Variants in OSBPL2 observed in about 807,000 individuals in gnomAD.
OSBPL2 encodes oxysterol-binding protein-related protein 2.
Under a neutral mutation model 58.4 loss-of-function variants are expected in OSBPL2, and 18 were observed. The ratio of observed to expected loss-of-function variants is 0.31; its 90% CI spans 0.21 to 0.46. The LOEUF (loss-of-function observed/expected upper bound fraction) is 0.46. Among genes scored for constraint, OSBPL2 ranks in the 20% least tolerant of loss-of-function variants. The pLI is 1.00. For synonymous variants in OSBPL2, 221 were observed against 234.1 expected, an observed-to-expected ratio of 0.94 and a Z score of 0.51; for missense variants, 461 against 616.5, an observed-to-expected ratio of 0.75 and a Z score of 2.67.
chr20:62,272,810 C>T (rs919130701), intron 5 of OSBPL2, among the ~76,000 whole-genome samples: 1 of 152,224 alleles, frequency 6.6e-6, no homozygotes, highest in Non-Finnish European at 1.5e-5. Flanking sequence ...GAGAGAGGAT[C>T]GCTTGTGCCC....
At position 62,295,732 on chromosome 20, in the gene OSBPL2, AG is replaced by A. The variant is rs1261388091; in HGVS notation, c.*1846del. ...CTGGTGGAGGGTCATCTGCTTTTCC[AG>A]ACTGTGGTTGTGAACCGGCTCCTTC... On this transcript the variant is annotated 3_prime_UTR_variant, in exon 14 of 14. Transcript: ENST00000313733. This position sits in a 1 kb window ranked among gnomAD's most constrained non-coding sequence, Gnocchi z 4.8. The A allele has an allele frequency of 3.9e-5, 6 of 152,144 alleles. No individual in the cohort carries two copies. Among genetic ancestry groups the A allele is most frequent in the African/African-American group, 1.4e-4 (6 of 41,442 alleles). The allele number at this position is 152,144 out of a possible 1,614,324, so 9.4% of individuals were successfully genotyped here.
chr20:62,269,000 A>G (rs1981878971), intron 4 of OSBPL2, among the ~76,000 whole-genome samples: 1 of 150,952 alleles, frequency 6.6e-6, no homozygotes. Flanking sequence ...GAGAGGTTGC[A>G]CTGAGCCGAG....
intron 3 of OSBPL2, among the ~76,000 whole-genome samples, chr20:62,262,891 A>C (rs149782311): frequency 1.3e-5 from 2 of 152,270 alleles, no homozygotes; most frequent in Non-Finnish European, 2.9e-5. Context: ...CCTACTCTGC[A>C]GCACCTTCTT....
rs1187075906 is a variant in OSBPL2 at position 62,281,139 on chromosome 20, T to A, written c.756T>A (p.Tyr252Ter). The A allele has an allele frequency of 3.7e-6, 6 of 1,612,828 alleles. No homozygotes were observed. Reference protein sequence around the residue: ...VIIGKLWIEQYGTVEILNHRT... With the variant: ...VIIGKLWIEQ Reference sequence around the variant, plus strand: ...TCGGGAAGCTGTGGATAGAGCAGTATGGGACAGTGGAGATTTTAAACCACA... The same window carrying A: ...TCGGGAAGCTGTGGATAGAGCAGTAAGGGACAGTGGAGATTTTAAACCACA... The change falls in exon 8 of 14, where the codon TAT (tyrosine) becomes TAA (stop). Residue 252 changes from tyrosine (Y) to a stop codon, truncating the protein, a stop_gained. Coordinates refer to ENST00000313733, the MANE Select transcript of OSBPL2 (RefSeq NM_144498.4). LOFTEE classifies it high-confidence loss of function.
intron 6 of OSBPL2, among the ~76,000 whole-genome samples, chr20:62,276,970 C>T (rs561614812): frequency 1.7e-4 from 26 of 152,316 alleles, no homozygotes; most frequent in Non-Finnish European, 2.6e-4. Context: ...TAAATCAGGC[C>T]GGGCGTGGTG....
chr20:62,245,686 C>A (rs1601145699), intron 1 of OSBPL2, among the ~76,000 whole-genome samples: 1 of 152,192 alleles, frequency 6.6e-6, no homozygotes, highest in East Asian at 1.9e-4. Flanking sequence ...AAACACAGTG[C>A]ATTTAAGGGC....
chr20:62,239,451 T>G (rs1445370350), intron 1 of OSBPL2, among the ~76,000 whole-genome samples: 1 of 151,982 alleles, frequency 6.6e-6, no homozygotes, highest in African/African-American at 2.4e-5. Flanking sequence ...GGTGTCGGGG[T>G]GTTGCAGGCT....
intron 1 of OSBPL2, chr20:62,242,327 A>T (rs942212696): frequency 6.6e-6 from 1 of 152,226 alleles, no homozygotes; most frequent in African/African-American, 2.4e-5. Context: ...CCAGATTCAG[A>T]AAAGAACTTG....
At chr20:62,271,456 G>GT (rs1345639980) in intron 4 of OSBPL2, among the ~76,000 whole-genome samples, 5 of 152,040 alleles carry the variant, frequency 3.3e-5, no homozygotes, top group Admixed American at 1.3e-4. Flanking sequence ...CCACTACTCT[G>GT]TTTTTTTGTT....
intron 4 of OSBPL2, 116 bp from the exon 5 acceptor site, chr20:62,272,009 C>T: frequency 1.7e-5 from 21 of 1,270,482 alleles, no homozygotes; most frequent in Non-Finnish European, 2.2e-5. Flanking sequence ...GTTTGAAGAT[C>T]CGGTTCAACC....
chr20:62,291,210 G>T, intron 12 of OSBPL2: 1 of 117,042 alleles, frequency 8.5e-6, no homozygotes, highest in Non-Finnish European at 1.9e-5. Flanking sequence ...AGTGTGACCT[G>T]GGAATGGATG....
chr20:62,244,984 A>C (rs1409492303), intron 1 of OSBPL2, among the ~76,000 whole-genome samples: 1 of 152,204 alleles, frequency 6.6e-6, no homozygotes, highest in Non-Finnish European at 1.5e-5. Flanking sequence ...CAGAGTCCTC[A>C]TGTGCACCTG....
In OSBPL2 at chr20:62,263,625, G is replaced by A; in HGVS notation, c.192G>A (p.Leu64=). 1 of 1,614,154 alleles carries A rather than the reference G, an allele frequency of 6.2e-7. No individual in the cohort carries two copies. The highest frequency in any genetic ancestry group is 8.5e-7 in the Non-Finnish European group (1 of 1,179,988). ...CTTTTGTGCTTCGCAGGACATCGCT[G>A]CCGGCTCCCATGTTCAGCAGAAGCG... is the stretch of plus-strand genomic sequence containing the variant. ...ENGIQKHRTS[L]PAPMFSRSDF... Residue 64 remains leucine, a synonymous_variant, in exon 4 of 14, where the codon CTG becomes CTA. Coordinates refer to ENST00000313733, the MANE Select transcript of OSBPL2 (RefSeq NM_144498.4).
At chr20:62,257,361 A>G (rs149102165) in intron 2 of OSBPL2, among the ~76,000 whole-genome samples, 8 of 152,340 alleles carry the variant, frequency 5.3e-5, no homozygotes, top group African/African-American at 1.7e-4. Flanking sequence ...ACTCTTATCC[A>G]AAACCCCAGG....
At chr20:62,292,330 C>T (rs1231024017) in intron 13 of OSBPL2, among the ~76,000 whole-genome samples, 1 of 152,244 alleles carries the variant, frequency 6.6e-6, no homozygotes, top group Non-Finnish European at 1.5e-5. Flanking sequence ...GATACCACAT[C>T]TTCCTGTCAG....
At chr20:62,244,722 CTG>C (rs1476081690) in intron 1 of OSBPL2, among the ~76,000 whole-genome samples, 1 of 152,232 alleles carries the variant, frequency 6.6e-6, no homozygotes, top group Non-Finnish European at 1.5e-5. Flanking sequence ...AGGGAGTTGA[CTG>C]TGGTGAGTGG....
chr20:62,264,833 T>A (rs1429027994), intron 4 of OSBPL2: 1 of 152,214 alleles, frequency 6.6e-6, no homozygotes, highest in African/African-American at 2.4e-5. Context: ...CTCCTCCACT[T>A]GGTGGCAGCT....
rs1423029756 is a variant in OSBPL2 at position 62,252,672 on chromosome 20, C to T, written c.-128-3385C>T. Among the ~76,000 whole-genome samples the T allele has an allele frequency of 3.3e-5, 5 of 152,272 alleles. No individual in the cohort carries two copies. The East Asian group carries it at 9.6e-4, about 29-fold the overall frequency. ...GGTTGCTATAAAGAAATACCTGAGA[C>T]TGGGTAATTGATAAGGAAAGGTCGT... On this transcript the variant is annotated intron_variant, in intron 1 of 13. Coordinates refer to ENST00000313733, the MANE Select transcript of OSBPL2 (RefSeq NM_144498.4).
chr20:62,243,820 A>T (rs955436852), intron 1 of OSBPL2, among the ~76,000 whole-genome samples: 3 of 149,264 alleles, frequency 2.0e-5, no homozygotes, highest in Non-Finnish European at 3.0e-5. Context: ...AATGAACGAA[A>T]AATTTTTTTT....
Sources: allele counts gnomAD v4.1 joint callset (sites outside exome capture counted in the v4.1 genomes callset), GRCh38; gene constraint gnomAD v4.1.1; non-coding constraint Gnocchi (gnomAD v3.1); transcripts MANE v1.5; gene names NCBI Gene and HGNC (gene_info 2026-07-23, HGNC 2026-07-21).